Variants in NEGR1 observed in about 807,000 individuals in gnomAD.
NEGR1 encodes IgLON family member 4.
Under a neutral mutation model 40.9 loss-of-function variants are expected in NEGR1, and 10 were observed. That is an observed-to-expected ratio of 0.24 (90% CI 0.15 to 0.42). The LOEUF (loss-of-function observed/expected upper bound fraction) is 0.42, where lower values mean the gene tolerates loss of function less well. Among genes scored for constraint, NEGR1 ranks in the 10% least tolerant of loss-of-function variants. NEGR1 has a pLI of 1.00. For synonymous variants in NEGR1, 185 were observed against 166.8 expected, an observed-to-expected ratio of 1.11 and a Z score of -0.84; for missense variants, 352 against 438.9, an observed-to-expected ratio of 0.80 and a Z score of 1.77.
chr1:71,753,564 C>T (rs1183193745), intron 3 of NEGR1, among the ~76,000 whole-genome samples: 1 of 152,132 alleles, frequency 6.6e-6, no homozygotes, highest in African/African-American at 2.4e-5. Flanking sequence ...ACTACTCTTT[C>T]CATCATTTGC....
At chr1:71,737,142 G>A (rs1655063864) in intron 3 of NEGR1, among the ~76,000 whole-genome samples, 1 of 152,140 alleles carries the variant, frequency 6.6e-6, no homozygotes, top group Non-Finnish European at 1.5e-5. Flanking sequence ...GATGTAACCT[G>A]AATTTTAAAA....
intron 3 of NEGR1, among the ~76,000 whole-genome samples, chr1:71,714,985 G>C (rs1240703039): frequency 6.6e-6 from 1 of 152,226 alleles, no homozygotes; most frequent in Non-Finnish European, 1.5e-5. Context: ...CCCTAGCAGA[G>C]GTTCTCCCTA....
At chr1:71,702,559 T>A (rs1015175288) in intron 3 of NEGR1, among the ~76,000 whole-genome samples, 13 of 151,930 alleles carry the variant, frequency 8.6e-5, no homozygotes, top group African/African-American at 2.7e-4. Flanking sequence ...ATAATGTAAG[T>A]TAAAAAGTAT....
rs560528921 is a variant in NEGR1, at chr1:72,235,415, G to A, written c.176+46904C>T. Among the ~76,000 whole-genome samples, 3 of 152,164 alleles carry A rather than the reference G, an allele frequency of 2.0e-5. No homozygotes were observed. In the South Asian group the frequency reaches 6.2e-4, roughly 32 times the overall value. ...TGATAGTTTTCGAATGGGGAAAAGGGCGGAAAGATTTGCATTCTCAAATCC... is the reference window on the plus strand; with the variant it reads ...TGATAGTTTTCGAATGGGGAAAAGGACGGAAAGATTTGCATTCTCAAATCC... On this transcript the variant is annotated intron_variant, in intron 1 of 6. Coordinates refer to ENST00000357731, the MANE Select transcript of NEGR1 (RefSeq NM_173808.3).
intron 6 of NEGR1, among the ~76,000 whole-genome samples, chr1:71,550,913 T>A (rs1257630827): frequency 6.6e-6 from 1 of 151,584 alleles, no homozygotes; most frequent in Non-Finnish European, 1.5e-5. Context: ...ACGTATACAT[T>A]TAAGTGTATA....
intron 6 of NEGR1, among the ~76,000 whole-genome samples, chr1:71,517,475 C>A (rs1176459305): frequency 9.8e-6 from 1 of 102,506 alleles, no homozygotes; most frequent in Non-Finnish European, 1.9e-5. Context: ...AAGACAAAAA[C>A]CACATGATTA....
At chr1:71,418,075 C>CTTTT (rs34107424) in intron 6 of NEGR1, among the ~76,000 whole-genome samples, 8 of 140,482 alleles carry the variant, frequency 5.7e-5, no homozygotes, top group Admixed American at 7.1e-5. Context: ...CCAGGGTACA[C>CTTTT]TTTTTTTTTT....
intron 2 of NEGR1, among the ~76,000 whole-genome samples, chr1:71,876,683 C>A (rs866729818): frequency 1.3e-5 from 2 of 152,082 alleles, no homozygotes; most frequent in African/African-American, 2.4e-5. Context: ...TAAGTGAATT[C>A]TTTCAGTTGG....
intron 1 of NEGR1, among the ~76,000 whole-genome samples, chr1:72,009,497 T>A (rs889820584): frequency 4.6e-5 from 7 of 152,072 alleles, no homozygotes; most frequent in Admixed American, 6.6e-5. Context: ...GGGTTTTTTT[T>A]ATATTTATAA....
intron 4 of NEGR1, among the ~76,000 whole-genome samples, chr1:71,641,557 G>A (rs1651352365): frequency 6.6e-6 from 1 of 151,888 alleles, no homozygotes. Context: ...AGAACCCTTG[G>A]GAGAGGCACA....
chr1:72,263,198 T>G (rs544772099), intron 1 of NEGR1, among the ~76,000 whole-genome samples: 2 of 151,790 alleles, frequency 1.3e-5, no homozygotes, highest in South Asian at 4.1e-4. Flanking sequence ...ATCTAGTATT[T>G]TCAAAGAATT....
chr1:72,092,871 C>G (rs79489989), intron 1 of NEGR1, among the ~76,000 whole-genome samples: 1,607 of 152,116 alleles, frequency 0.011, 29 homozygotes, highest in African/African-American at 0.037. Context: ...AGGCTGGTCT[C>G]AAATTTCTGG....
intron 2 of NEGR1, among the ~76,000 whole-genome samples, chr1:71,790,377 G>A (rs996152698): frequency 3.9e-5 from 6 of 152,086 alleles, no homozygotes; most frequent in African/African-American, 1.4e-4. Context: ...AACTATACCG[G>A]AGGTCAGGTG....
intron 1 of NEGR1, among the ~76,000 whole-genome samples, chr1:72,135,299 C>T (rs1650410086): frequency 6.7e-6 from 1 of 148,752 alleles, no homozygotes; most frequent in Non-Finnish European, 1.5e-5. Flanking sequence ...AGGTGTGAAC[C>T]CGGGAGGCGG....
At chr1:71,755,244 T>A (rs2101692251) in intron 3 of NEGR1, among the ~76,000 whole-genome samples, 1 of 152,290 alleles carries the variant, frequency 6.6e-6, no homozygotes, top group African/African-American at 2.4e-5. Flanking sequence ...GTTTTACCTG[T>A]ATATTATGGG....
chr1:71,525,285 G>GA (rs1401520371), intron 6 of NEGR1, among the ~76,000 whole-genome samples: 1 of 151,524 alleles, frequency 6.6e-6, no homozygotes. Context: ...ATTAGGTGAG[G>GA]AAAAAATTTT....
chr1:72,194,256 G>A (rs116582346), intron 1 of NEGR1, among the ~76,000 whole-genome samples: 3,062 of 151,780 alleles, frequency 0.02, 94 homozygotes, highest in African/African-American at 0.069. Flanking sequence ...AATGATAAAG[G>A]GAAAAGGGAG....
intron 1 of NEGR1, among the ~76,000 whole-genome samples, chr1:72,149,559 T>C (rs1651038916): frequency 6.6e-6 from 1 of 152,074 alleles, no homozygotes; most frequent in South Asian, 2.1e-4. Context: ...GCACAATCAA[T>C]TAATTCAATC....
intron 1 of NEGR1, among the ~76,000 whole-genome samples, chr1:72,212,696 A>G (rs554094923): frequency 7.6e-4 from 115 of 152,152 alleles, no homozygotes; most frequent in African/African-American, 2.7e-3. Flanking sequence ...GGAAGATAAC[A>G]GTAGGAATTT....
Sources: allele counts gnomAD v4.1 joint callset (sites outside exome capture counted in the v4.1 genomes callset), GRCh38; gene constraint gnomAD v4.1.1; transcripts MANE v1.5; gene names NCBI Gene and HGNC (gene_info 2026-07-23, HGNC 2026-07-21).